Variants in KCNH1 observed in about 807,000 individuals in gnomAD.
KCNH1 encodes potassium voltage-gated channel subfamily H member 1.
In KCNH1, 27 loss-of-function variants were observed where a neutral mutation model predicts 69.2. The observed-to-expected ratio is 0.39, with a 90% CI of 0.29 to 0.54. The LOEUF (loss-of-function observed/expected upper bound fraction) is 0.54. Among genes scored for constraint, KCNH1 ranks in the 20% least tolerant of loss-of-function variants. The pLI is 0.68. For synonymous variants in KCNH1, 456 were observed against 487.7 expected, an observed-to-expected ratio of 0.93 and a Z score of 0.86; for missense variants, 798 against 1,261.6, an observed-to-expected ratio of 0.63 and a Z score of 5.57.
intron 5 of KCNH1, among the ~76,000 whole-genome samples, chr1:211,074,461 G>C (rs1447738280): frequency 1.3e-5 from 2 of 152,108 alleles, no homozygotes; most frequent in African/African-American, 4.8e-5. Flanking sequence ...TGGGGAAAAG[G>C]CTGGCATATT....
chr1:210,995,756 A>G (rs1689020306), intron 6 of KCNH1, among the ~76,000 whole-genome samples: 1 of 152,220 alleles, frequency 6.6e-6, no homozygotes, highest in Non-Finnish European at 1.5e-5. Context: ...AGTCAGGCCA[A>G]CAGAGATTTT....
At chr1:210,859,358 G>A in intron 7 of KCNH1, 2 of 1,519,438 alleles carry the variant, frequency 1.3e-6, no homozygotes, top group Non-Finnish European at 1.8e-6. Flanking sequence ...GTCAGACCCT[G>A]ATCCCACACA....
rs986013923 is a variant in KCNH1 at position 210,793,751 on chromosome 1, C to T, written c.1915+3757G>A. Among the ~76,000 whole-genome samples the T allele has an allele frequency of 1.6e-4, 25 of 152,204 alleles. 1 individual carries two copies. The highest frequency in any genetic ancestry group is 1.6e-3 in the Admixed American group (25 of 15,286). On this transcript the variant is annotated intron_variant, in intron 9 of 10. Coordinates refer to ENST00000271751, the MANE Select transcript of KCNH1 (RefSeq NM_172362.3). ...TGGCGTTTTTTTCTAAAGGCTCTTG[C>T]TTGTGATAACTAAGGATTACTTGCA...
intron 5 of KCNH1, among the ~76,000 whole-genome samples, chr1:211,046,919 TAA>T: frequency 6.6e-6 from 1 of 151,724 alleles, no homozygotes. Flanking sequence ...CCAATGGAAA[TAA>T]AATGCAAGCC....
At chr1:210,933,866 C>A (rs1687727114) in intron 6 of KCNH1, among the ~76,000 whole-genome samples, 1 of 151,994 alleles carries the variant, frequency 6.6e-6, no homozygotes, top group Admixed American at 6.6e-5. Flanking sequence ...AATAAAGAAC[C>A]CACAAATAAA....
At position 211,038,021 on chromosome 1, in the gene KCNH1, G is replaced by A. The variant is rs576662353; in HGVS notation, c.559-18765C>T. Reference sequence around the variant, plus strand: ...GTTGCCCAGGCTGGAGTGCAGTGGCGTGATCTCGGCTCACTGCAAGCTCCA... The same window carrying A: ...GTTGCCCAGGCTGGAGTGCAGTGGCATGATCTCGGCTCACTGCAAGCTCCA... On this transcript the variant is annotated intron_variant, in intron 5 of 10. Transcript: ENST00000271751. 6.5e-4 allele frequency among the ~76,000 whole-genome samples: 96 copies of A among 147,516 alleles called. 1 individual carries two copies. Among genetic ancestry groups the A allele is most frequent in the African/African-American group, 1.4e-3 (54 of 39,670 alleles).
intron 7 of KCNH1, among the ~76,000 whole-genome samples, chr1:210,901,510 G>A (rs546925826): frequency 1.3e-5 from 2 of 152,292 alleles, no homozygotes; most frequent in South Asian, 4.1e-4. Flanking sequence ...AAAATCAGGA[G>A]GCTCTGCACT....
Position 210,861,423 on chromosome 1 carries a change from T to G in KCNH1, c.1463-57257A>C. 3 of 776,918 alleles carry G rather than the reference T, an allele frequency of 3.9e-6. No homozygotes were observed. The South Asian group carries it at 4.0e-5, about 10-fold the overall frequency. The allele number at this position is 776,918 out of a possible 1,614,324, so 48.1% of individuals were successfully genotyped here. ...TTCAGAAATACTTGAGCAAATTCAT[T>G]ATACTCCTAGGAAACACTGCCAGAG... On this transcript the variant is annotated intron_variant, in intron 7 of 10. Coordinates refer to ENST00000271751, the MANE Select transcript of KCNH1 (RefSeq NM_172362.3).
chr1:211,126,581 G>A (rs1354971713), intron 1 of KCNH1, among the ~76,000 whole-genome samples: 1 of 151,704 alleles, frequency 6.6e-6, no homozygotes, highest in Non-Finnish European at 1.5e-5. Context: ...AGGCTGAGGT[G>A]GGAGGATGGA....
At position 210,795,135 on chromosome 1, in the gene KCNH1, G is replaced by T. The variant is rs570364460; in HGVS notation, c.1915+2373C>A. 2.7e-3 allele frequency among the ~76,000 whole-genome samples: 413 copies of T among 151,940 alleles called. 5 individuals are homozygous for T. The highest frequency in any genetic ancestry group is 9.7e-3 in the African/African-American group (401 of 41,450). On this transcript the variant is annotated intron_variant, in intron 9 of 10. Coordinates refer to ENST00000271751, the MANE Select transcript of KCNH1 (RefSeq NM_172362.3). ...TTTCTTTTTGCTTGTTTTTGTTGTT[G>T]TTGTTGTTGTTGTTGTTTGTTTGTT... is the stretch of plus-strand genomic sequence containing the variant.
At chr1:210,917,271 GAAAGAAAGA>G (rs1476733007) in intron 7 of KCNH1, among the ~76,000 whole-genome samples, 92 of 145,986 alleles carry the variant, frequency 6.3e-4, no homozygotes, top group African/African-American at 2.3e-3. Context: ...AAGAAAGAAA[GAAAGAAAGA>G]AAAGAAAAGA....
At chr1:210,736,350 A>T (rs964571049) in intron 10 of KCNH1, among the ~76,000 whole-genome samples, 1 of 152,180 alleles carries the variant, frequency 6.6e-6, no homozygotes, top group Admixed American at 6.5e-5. Context: ...GGAGTTCGAG[A>T]CCAGCCTGAC....
At chr1:211,014,051 G>A (rs780107007) in intron 6 of KCNH1, among the ~76,000 whole-genome samples, 1 of 152,218 alleles carries the variant, frequency 6.6e-6, no homozygotes, top group Non-Finnish European at 1.5e-5. Context: ...CTAGCTGGTT[G>A]TGCTGCTGTC....
intron 10 of KCNH1, among the ~76,000 whole-genome samples, chr1:210,718,582 T>C (rs1251586101): frequency 7.8e-6 from 1 of 128,060 alleles, no homozygotes; most frequent in South Asian, 2.3e-4. Context: ...TTTATATATA[T>C]AAAATACCAA....
intron 10 of KCNH1, among the ~76,000 whole-genome samples, chr1:210,754,844 G>GCACACA (rs3040180): frequency 8.1e-5 from 12 of 148,962 alleles, no homozygotes; most frequent in East Asian, 6.0e-4. Context: ...GTACACACGG[G>GCACACA]CACACACACA....
chr1:211,057,809 T>A (rs1283526258), intron 5 of KCNH1, among the ~76,000 whole-genome samples: 1 of 151,854 alleles, frequency 6.6e-6, no homozygotes, highest in Admixed American at 6.6e-5. Context: ...ATTAAAGGGA[T>A]TATAACACAG....
chr1:211,023,777 A>G (rs531409038), intron 5 of KCNH1, among the ~76,000 whole-genome samples: 1 of 152,276 alleles, frequency 6.6e-6, no homozygotes, highest in East Asian at 1.9e-4. Flanking sequence ...GATTATATAA[A>G]TTTATCATCC....
rs568884857 is a variant in KCNH1 at position 210,861,953 on chromosome 1, TA to T, written c.1462+57686del. ...CGTTTGGTGATGTGATGAATGCATGTAGTAAGCTGTACCCTGATGAGCTCAG... is the reference window on the plus strand; with the variant it reads ...CGTTTGGTGATGTGATGAATGCATGTGTAAGCTGTACCCTGATGAGCTCAG... On this transcript the variant is annotated intron_variant, in intron 7 of 10. Coordinates refer to ENST00000271751, the MANE Select transcript of KCNH1 (RefSeq NM_172362.3). 1.2e-3 allele frequency: 874 copies of T among 759,570 alleles called. 7 individuals are homozygous for T. The African/African-American group carries it at 0.013, about 11-fold the overall frequency. 47.1% of individuals were successfully genotyped at this position (759,570 alleles called of 1,614,324 possible).
chr1:210,790,664 A>T (rs1684194910), intron 9 of KCNH1, among the ~76,000 whole-genome samples: 1 of 152,220 alleles, frequency 6.6e-6, no homozygotes, highest in Admixed American at 6.5e-5. Context: ...TAAACTGGGC[A>T]TGTGGTGTTG....
Sources: allele counts gnomAD v4.1 joint callset (sites outside exome capture counted in the v4.1 genomes callset), GRCh38; gene constraint gnomAD v4.1.1; transcripts MANE v1.5; gene names NCBI Gene and HGNC (gene_info 2026-07-23, HGNC 2026-07-21).